ANKMY1: variants seen among roughly 807,000 people sequenced by gnomAD.
ANKMY1 encodes ankyrin repeat and MYND domain-containing protein 1.
In ANKMY1, 98 loss-of-function variants were observed where a neutral mutation model predicts 102.0. The observed-to-expected ratio is 0.96, with a 90% confidence interval of 0.82 to 1.14. The LOEUF (loss-of-function observed/expected upper bound fraction) is 1.14, where lower values mean the gene tolerates loss of function less well. Ranked by LOEUF, ANKMY1 falls within the 50% of genes most tolerant of loss-of-function variation. The probability of loss-of-function intolerance (pLI) is 0.00; values close to 1 mark genes in which losing one functional copy is unlikely to be tolerated. For missense variants in ANKMY1, 1,330 were observed against 1,347.6 expected, an observed-to-expected ratio of 0.99 and a Z score of 0.20; for synonymous variants, 582 against 559.9, an observed-to-expected ratio of 1.04 and a Z score of -0.56.
chr2:240,496,033 T>C (rs2077216241), intron 15 of ANKMY1, among the ~76,000 whole-genome samples: 1 of 152,222 alleles, frequency 6.6e-6, no homozygotes, highest in Non-Finnish European at 1.5e-5. Flanking sequence ...CATGAAATGC[T>C]TATCAGCCAT....
intron 16 of ANKMY1, 67 bp from the exon 17 acceptor site, chr2:240,481,164 C>A: frequency 6.4e-7 from 1 of 1,557,058 alleles, no homozygotes; most frequent in Non-Finnish European, 8.7e-7. Context: ...ACAGCCGCTG[C>A]CTGGGAGCTG....
At chr2:240,501,845 G>A (rs1238221296) in intron 13 of ANKMY1, among the ~76,000 whole-genome samples, 1 of 152,196 alleles carries the variant, frequency 6.6e-6, no homozygotes, top group Non-Finnish European at 1.5e-5. Context: ...GGCCAGGCAA[G>A]GCCTACGCCA....
rs372976340 is a variant in ANKMY1 at position 240,520,585 on chromosome 2, C to A, written c.1833-52G>T. ...CCCTGGAGGGCAGGCACCTGCACTGCGCCCAGAACGGGGCCATGCCAGCGA... is the reference window on the plus strand; with the variant it reads ...CCCTGGAGGGCAGGCACCTGCACTGAGCCCAGAACGGGGCCATGCCAGCGA... On this transcript the variant is annotated intron_variant, in intron 8 of 17. Transcript: ENST00000401804. This position sits in a 1 kb window ranked among gnomAD's most constrained non-coding sequence, Gnocchi z 4.8. The A allele has an allele frequency of 4.0e-5, 63 of 1,556,058 alleles. No individual in the cohort carries two copies. The highest frequency in any genetic ancestry group is 5.0e-5 in the Non-Finnish European group (58 of 1,151,362).
intron 4 of ANKMY1, among the ~76,000 whole-genome samples, chr2:240,541,891 G>C (rs1168072403): frequency 7.9e-5 from 12 of 152,006 alleles, no homozygotes; most frequent in Non-Finnish European, 1.8e-4. Flanking sequence ...TGCTCTTTGG[G>C]GTCTGGGGAG....
At chr2:240,551,304 TCTGC>T (rs1473864667) in intron 4 of ANKMY1, among the ~76,000 whole-genome samples, 1 of 152,238 alleles carries the variant, frequency 6.6e-6, no homozygotes, top group Non-Finnish European at 1.5e-5. Flanking sequence ...CATATTTCTC[TCTGC>T]CTAATTTCTC....
At chr2:240,519,110 A>T (rs1307217409) in intron 9 of ANKMY1, among the ~76,000 whole-genome samples, 1 of 152,246 alleles carries the variant, frequency 6.6e-6, no homozygotes, top group Non-Finnish European at 1.5e-5. Context: ...AGCCAAGTGG[A>T]CAGAAGCCCA....
At chr2:240,548,754 C>A (rs1264288925) in intron 4 of ANKMY1, among the ~76,000 whole-genome samples, 1 of 149,884 alleles carries the variant, frequency 6.7e-6, no homozygotes. Flanking sequence ...TGAGTGAACT[C>A]CCATTCACAA....
intron 17 of ANKMY1, 100 bp from the exon 18 acceptor site, chr2:240,479,755 A>C: frequency 9.5e-7 from 1 of 1,056,838 alleles, no homozygotes; most frequent in South Asian, 1.3e-5. Flanking sequence ...GCGGCTGAGG[A>C]CTGTGCTCTG....
At chr2:240,551,539 C>G (rs2091526689) in intron 4 of ANKMY1, among the ~76,000 whole-genome samples, 1 of 152,192 alleles carries the variant, frequency 6.6e-6, no homozygotes, top group East Asian at 1.9e-4. Flanking sequence ...TGTGGGTGAT[C>G]AGGGCACCAG....
rs761303207 is a variant in ANKMY1 at position 240,509,308 on chromosome 2, C to T, written c.2394+40G>A. Reference sequence around the variant, plus strand: ...GTGGGGTGGGCACTGGAGACGGAAACACATAGGTGCACAGGTCTGTGGGTA... The same window carrying T: ...GTGGGGTGGGCACTGGAGACGGAAATACATAGGTGCACAGGTCTGTGGGTA... On this transcript the variant is annotated intron_variant, in intron 12 of 17. Coordinates refer to ENST00000401804, the MANE Select transcript of ANKMY1 (RefSeq NM_001282771.3). The T allele has an allele frequency of 3.2e-6, 5 of 1,542,556 alleles. No individual in the cohort carries two copies. In the East Asian group the frequency reaches 1.2e-4, roughly 36 times the overall value.
chr2:240,478,020 G>A (rs989169047), downstream of ANKMY1, among the ~76,000 whole-genome samples: 5 of 152,076 alleles, frequency 3.3e-5, no homozygotes, highest in African/African-American at 1.2e-4. Flanking sequence ...ATTGGATCCC[G>A]GGGGCAGACT....
chr2:240,481,411 G>C (rs1174046669), intron 16 of ANKMY1, among the ~76,000 whole-genome samples: 1 of 152,340 alleles, frequency 6.6e-6, no homozygotes, highest in East Asian at 1.9e-4. Context: ...CCACACACAC[G>C]ATGGTGCGGA....
In ANKMY1 at chr2:240,479,551, G is replaced by C; in HGVS notation, c.*58C>G. 1.9e-6 allele frequency: 3 copies of C among 1,589,004 alleles called. No homozygotes were observed. Among genetic ancestry groups the C allele is most frequent in the African/African-American group, 2.7e-5 (2 of 74,538 alleles). ...AAGATTCCCTGAGGTGGCTCAGGCA[G>C]GTAAGAAACCCACACAGTCCTGGGT... On this transcript the variant is annotated 3_prime_UTR_variant, in exon 18 of 18. Transcript: ENST00000401804.
the ANKMY1 span, among the ~76,000 whole-genome samples, chr2:240,469,892 A>G: frequency 6.6e-5 from 10 of 152,202 alleles, no homozygotes; most frequent in African/African-American, 1.2e-4. Flanking sequence ...ATACACGTGC[A>G]CACACATCCT....
At chr2:240,482,114 A>T in intron 16 of ANKMY1, 69 bp downstream of exon 16, 2 of 1,534,330 alleles carry the variant, frequency 1.3e-6, no homozygotes, top group South Asian at 1.2e-5. Context: ...TGGTCAGGCC[A>T]GGCACAACAG....
chr2:240,536,691 A>G (rs1429761668), intron 4 of ANKMY1, among the ~76,000 whole-genome samples: 1 of 152,260 alleles, frequency 6.6e-6, no homozygotes, highest in South Asian at 2.1e-4. Context: ...AAAATATTAC[A>G]TATGAAGAGG....
At chr2:240,500,996 A>C (rs1047357413) in intron 13 of ANKMY1, among the ~76,000 whole-genome samples, 2 of 152,146 alleles carry the variant, frequency 1.3e-5, no homozygotes, top group Non-Finnish European at 2.9e-5. Context: ...GTGCACGCGT[A>C]TGCTTGTATG....
chr2:240,517,773 T>G lies in ANKMY1; in HGVS notation c.2004+2589A>C, dbSNP rs558928642. ...GTGAGCCATGATTATACCACTGCAC[T>G]GCAGCCTAGGTGACAGAGTGGGACC... is the stretch of plus-strand genomic sequence containing the variant. On this transcript the variant is annotated intron_variant, in intron 9 of 17. Transcript: ENST00000401804. Among the ~76,000 whole-genome samples the G allele has an allele frequency of 1.3e-3, 194 of 152,256 alleles. 2 individuals are homozygous for G. The highest frequency in any genetic ancestry group is 6.2e-4 in the South Asian group (3 of 4,832).
Position 240,517,917 on chromosome 2 carries a change from G to A in ANKMY1, c.2004+2445C>T, listed in dbSNP as rs572311519. On this transcript the variant is annotated intron_variant, in intron 9 of 17. Coordinates refer to ENST00000401804, the MANE Select transcript of ANKMY1 (RefSeq NM_001282771.3). Reference sequence around the variant, plus strand: ...GCTGTGATTTGCCTTTGGTGGAAGTGGGGGATTGGAAAGAAAGATTGCATT... The same window carrying A: ...GCTGTGATTTGCCTTTGGTGGAAGTAGGGGATTGGAAAGAAAGATTGCATT... Among the ~76,000 whole-genome samples the A allele has an allele frequency of 5.9e-5, 9 of 152,300 alleles. No individual in the cohort carries two copies. The South Asian group carries it at 1.5e-3, about 25-fold the overall frequency.
Sources: allele counts gnomAD v4.1 joint callset (sites outside exome capture counted in the v4.1 genomes callset), GRCh38; gene constraint gnomAD v4.1.1; non-coding constraint Gnocchi (gnomAD v3.1); transcripts MANE v1.5; gene names NCBI Gene and HGNC (gene_info 2026-07-23, HGNC 2026-07-21).